CSMD1: variants seen among roughly 807,000 people sequenced by gnomAD.
CSMD1 encodes CUB and sushi domain-containing protein 1.
CSMD1 carries 213 observed loss-of-function variants against 417.5 expected under a neutral mutation model. The observed-to-expected ratio is 0.51, with a 90% confidence interval of 0.46 to 0.57. The LOEUF (loss-of-function observed/expected upper bound fraction) is 0.57. Ranked by LOEUF, CSMD1 falls within the 20% of genes least tolerant of loss-of-function variation. The pLI, the probability that CSMD1 is intolerant of heterozygous loss-of-function variation, is 0.00. For synonymous variants in CSMD1, 2,862 were observed against 1,736.8 expected (o/e 1.65, Z -16.11); for missense variants, 6,923 against 4,529.7 (o/e 1.53, Z -15.17).
chr8:3,488,770 G>A (rs150464652), intron 11 of CSMD1, among the ~76,000 whole-genome samples: 1 of 152,282 alleles, frequency 6.6e-6, no homozygotes, highest in African/African-American at 2.4e-5. Flanking sequence ...GGTTCAAACA[G>A]TTGAGTCTGT....
At chr8:3,247,600 G>A (rs551406149) in intron 26 of CSMD1, among the ~76,000 whole-genome samples, 4 of 152,144 alleles carry the variant, frequency 2.6e-5, no homozygotes, top group Admixed American at 6.5e-5. Context: ...CCTTCCCTGT[G>A]GGGAGAACAT....
rs191852925 is a variant in CSMD1 at position 3,377,663 on chromosome 8, C to T, written c.2783-8293G>A. ...AAACCTCCAGGAATTCTTACTGTAC[C>T]GCACCTATCAACTCCTGGTAATTCT... On this transcript the variant is annotated intron_variant, in intron 18 of 69. Coordinates refer to ENST00000635120, the MANE Select transcript of CSMD1 (RefSeq NM_033225.6). 2.0e-3 allele frequency among the ~76,000 whole-genome samples: 306 copies of T among 152,188 alleles called. 4 individuals are homozygous for T. Among genetic ancestry groups the T allele is most frequent in the African/African-American group, 6.9e-3 (288 of 41,530 alleles).
chr8:4,376,408 G>T (rs974608196), intron 3 of CSMD1, among the ~76,000 whole-genome samples: 1 of 152,066 alleles, frequency 6.6e-6, no homozygotes, highest in African/African-American at 2.4e-5. Flanking sequence ...TGATTCTCTT[G>T]TGCATATTTT....
intron 12 of CSMD1, among the ~76,000 whole-genome samples, chr8:3,464,925 T>G (rs986017887): frequency 6.6e-6 from 1 of 152,212 alleles, no homozygotes; most frequent in African/African-American, 2.4e-5. Context: ...ACTTTGCATT[T>G]TTTTCCCCAT....
chr8:4,010,900 G>A (rs943384013), intron 4 of CSMD1, among the ~76,000 whole-genome samples: 1 of 152,068 alleles, frequency 6.6e-6, no homozygotes, highest in African/African-American at 2.4e-5. Flanking sequence ...ATACTGAAAG[G>A]TCTAACTTTA....
intron 12 of CSMD1, among the ~76,000 whole-genome samples, chr8:3,431,548 C>A (rs537522843): frequency 4.1e-4 from 63 of 152,258 alleles, no homozygotes; most frequent in Middle Eastern, 3.4e-3. Context: ...TCTCTTCCAT[C>A]CCTTGTATGA....
chr8:3,512,321 T>C (rs1797109537), intron 10 of CSMD1, among the ~76,000 whole-genome samples: 1 of 152,218 alleles, frequency 6.6e-6, no homozygotes, highest in African/African-American at 2.4e-5. Flanking sequence ...TTATTTGTTC[T>C]ATACCCACAG....
At chr8:4,258,029 G>T (rs1002819673) in intron 3 of CSMD1, among the ~76,000 whole-genome samples, 2 of 151,950 alleles carry the variant, frequency 1.3e-5, no homozygotes, top group East Asian at 2.0e-4. Flanking sequence ...ATTTCTCACA[G>T]CTGTGGAAGG....
intron 3 of CSMD1, among the ~76,000 whole-genome samples, chr8:4,348,964 T>G (rs577231644): frequency 9.2e-5 from 14 of 152,230 alleles, no homozygotes; most frequent in African/African-American, 3.4e-4. Context: ...TACTCTTGAA[T>G]TGCACCATAT....
At chr8:3,168,365 T>C (rs187502477) in intron 37 of CSMD1, among the ~76,000 whole-genome samples, 13 of 152,302 alleles carry the variant, frequency 8.5e-5, no homozygotes, top group Admixed American at 3.3e-4. Flanking sequence ...TTCCTCTTTT[T>C]CTAGATGCGC....
At chr8:4,649,628 T>A (rs1444023996) in intron 1 of CSMD1, among the ~76,000 whole-genome samples, 2 of 152,224 alleles carry the variant, frequency 1.3e-5, no homozygotes, top group East Asian at 1.9e-4. Context: ...AAGGCCAATT[T>A]TTTAATTTTA....
intron 3 of CSMD1, among the ~76,000 whole-genome samples, chr8:4,117,636 C>G (rs1183905568): frequency 6.6e-6 from 1 of 152,196 alleles, no homozygotes; most frequent in South Asian, 2.1e-4. Context: ...TGTTAAAACG[C>G]TGAAGCGCCC....
intron 5 of CSMD1, among the ~76,000 whole-genome samples, chr8:3,895,333 G>C (rs929654835): frequency 2.0e-5 from 3 of 152,058 alleles, no homozygotes; most frequent in East Asian, 1.9e-4. Context: ...TTTATGTTTG[G>C]AGTTACAACT....
chr8:3,209,666 G>C (rs1797493691), intron 30 of CSMD1, among the ~76,000 whole-genome samples: 1 of 152,102 alleles, frequency 6.6e-6, no homozygotes, highest in Non-Finnish European at 1.5e-5. Context: ...GCTAATCTAA[G>C]AAACAGGCCT....
At chr8:4,862,838 A>G (rs1481864306) in intron 1 of CSMD1, among the ~76,000 whole-genome samples, 1 of 152,020 alleles carries the variant, frequency 6.6e-6, no homozygotes, top group Non-Finnish European at 1.5e-5. Context: ...AGACCTCCCA[A>G]GTGTGACTCC....
chr8:3,324,999 G>T (rs529817943), intron 23 of CSMD1, among the ~76,000 whole-genome samples: 1 of 152,092 alleles, frequency 6.6e-6, no homozygotes, highest in East Asian at 1.9e-4. Context: ...AGCATTTGTT[G>T]TAGAAATACA....
intron 1 of CSMD1, among the ~76,000 whole-genome samples, chr8:4,776,135 G>C (rs1585080449): frequency 6.6e-6 from 1 of 152,206 alleles, no homozygotes; most frequent in South Asian, 2.1e-4. Flanking sequence ...AGATGATCCA[G>C]AACACCAAGG....
chr8:3,108,386 A>G (rs976789436), intron 44 of CSMD1, among the ~76,000 whole-genome samples: 2 of 152,204 alleles, frequency 1.3e-5, no homozygotes, highest in African/African-American at 4.8e-5. Context: ...GGATACATGT[A>G]TCTTGGAATA....
intron 2 of CSMD1, among the ~76,000 whole-genome samples, chr8:4,502,437 G>A (rs1167614502): frequency 6.6e-6 from 1 of 152,086 alleles, no homozygotes; most frequent in African/African-American, 2.4e-5. Context: ...CTTTGTCAGT[G>A]ATTATAGCTG....
Sources: allele counts gnomAD v4.1 joint callset (sites outside exome capture counted in the v4.1 genomes callset), GRCh38; gene constraint gnomAD v4.1.1; transcripts MANE v1.5; gene names NCBI Gene and HGNC (gene_info 2026-07-23, HGNC 2026-07-21).